Variants in TNC observed in about 807,000 individuals in gnomAD.
The protein encoded by TNC is tenascin C.
A neutral mutation model predicts 202.4 loss-of-function variants in TNC; 109 were observed. That is an observed-to-expected ratio of 0.54 (90% CI 0.46 to 0.63). The LOEUF (loss-of-function observed/expected upper bound fraction) is 0.63. Among genes scored for constraint, TNC ranks in the 30% least tolerant of loss-of-function variants. The pLI, the probability that TNC is intolerant of heterozygous loss-of-function variation, is 0.00. For missense variants in TNC, 2,756 were observed against 2,833.3 expected, an observed-to-expected ratio of 0.97 and a Z score of 0.62; for synonymous variants, 1,007 against 1,089.7, an observed-to-expected ratio of 0.92 and a Z score of 1.50.
In TNC at chr9:115,063,138, G is replaced by A; in HGVS notation, c.3812C>T (p.Ala1271Val). The A allele has an allele frequency of 6.2e-7, 1 of 1,614,198 alleles. No individual in the cohort carries two copies. The highest frequency in any genetic ancestry group is 8.5e-7 in the Non-Finnish European group (1 of 1,180,042). ...NLTVTEVSWD[A>V]LRLNWTTPDG... is the part of the protein sequence containing the mutation. ...TGGCGTGGTCCAGTTCAGTCTGAGAGCATCCCAGCTAACCTCGGTCACTGT... is the reference window on the plus strand; with the variant it reads ...TGGCGTGGTCCAGTTCAGTCTGAGAACATCCCAGCTAACCTCGGTCACTGT... Residue 1271 changes from alanine (A) to valine (V), a missense_variant, in exon 13 of 28, where the codon GCT (alanine) becomes GTT (valine). By Grantham distance (64) the Ala-to-Val change is moderately conservative. This residue lies in a region of TNC where 2,559 missense variants were observed against 2,546.0 expected (regional missense o/e 1.01). Transcript: ENST00000350763.
chr9:115,113,285 T>C (rs1837220306), intron 1 of TNC, among the ~76,000 whole-genome samples: 2 of 152,182 alleles, frequency 1.3e-5, no homozygotes, highest in African/African-American at 4.8e-5. Context: ...CTCTCAGGAC[T>C]GGGAACTGGG....
rs1302961606 is a variant in TNC at position 115,087,214 on chromosome 9, C to G, written c.517G>C (p.Gly173Arg). The G allele has an allele frequency of 6.2e-7, 1 of 1,614,246 alleles. No individual in the cohort carries two copies. The highest frequency in any genetic ancestry group is 1.1e-5 in the South Asian group (1 of 91,088). ...TTCCAGCCAGGTTCGCAGACACAGC[C>G]ACATCCTTCAGTGCTGAAGTTGCCC... ...GRGNFSTEGC[G>R]CVCEPGWKGP... Residue 173 changes from glycine to arginine, a missense_variant, in exon 3 of 28, where the codon GGC (glycine) becomes CGC (arginine). Gly to Arg is a moderately radical substitution (Grantham distance 125). Transcript: ENST00000350763.
rs138448689 is a variant in TNC, at chr9:115,077,257, T to C, written c.2675-682A>G. 7.4e-3 allele frequency among the ~76,000 whole-genome samples: 1,127 copies of C among 152,266 alleles called. 15 individuals carry two copies. Among genetic ancestry groups the C allele is most frequent in the South Asian group, 0.017 (81 of 4,828 alleles). ...ATTTTTAGTAGAGACGGGGTTTCAC[T>C]GTGTTAGCCAGAATGGTCTCAATCT... On this transcript the variant is annotated intron_variant, in intron 7 of 27. Transcript: ENST00000350763.
Position 115,062,963 on chromosome 9 carries a change from C to A in TNC, c.3987G>T (p.Glu1329Asp), listed in dbSNP as rs776430821. Residue 1329 changes from glutamate (E) to aspartate (D), a missense_variant, in exon 13 of 28, where the codon GAG becomes GAT. Glu to Asp is a conservative substitution (Grantham distance 45). Coordinates refer to ENST00000350763, the MANE Select transcript of TNC (RefSeq NM_002160.4). ...GGGGTCGAGTGCTGTGGCCCCTGAC[C>A]TCGCCGTGCAGGGTGACTGTGTAAG... ...GTPYTVTLHG[E>D]VRGHSTRPLA... 1.1e-5 allele frequency: 17 copies of A among 1,613,900 alleles called. No homozygotes were observed. In the African/African-American group the frequency reaches 2.1e-4, roughly 20 times the overall value.
At chr9:115,042,641 T>C (rs2132007500) in intron 17 of TNC, among the ~76,000 whole-genome samples, 1 of 152,364 alleles carries the variant, frequency 6.6e-6, no homozygotes, top group East Asian at 1.9e-4. Context: ...GATTGGAATG[T>C]GACCCCCGTT....
intron 10 of TNC, among the ~76,000 whole-genome samples, chr9:115,072,003 C>T (rs982244892): frequency 1.3e-5 from 2 of 152,208 alleles, no homozygotes; most frequent in African/African-American, 2.4e-5. Flanking sequence ...GAATTGACCA[C>T]GTAAACTCAT....
rs779919831 is a variant in TNC at position 115,059,783 on chromosome 9, T to C, written c.4253A>G (p.Tyr1418Cys). 4 of 1,613,916 alleles carry C rather than the reference T, an allele frequency of 2.5e-6. No homozygotes were observed. Among genetic ancestry groups the C allele is most frequent in the African/African-American group, 1.3e-5 (1 of 74,904 alleles). The change falls in exon 14 of 28, where the codon TAT (tyrosine) becomes TGT (cysteine). Residue 1418 changes from tyrosine to cysteine, a missense_variant. Tyr to Cys is a radical substitution (Grantham distance 194). Transcript: ENST00000350763. ...TGTTCTATAGCCCCGGATCACCCCA[T>C]AGATGGAGACTCTATAAGGCGTGGC... ...EAATPYRVSI[Y>C]GVIRGYRTPV...
intron 26 of TNC, among the ~76,000 whole-genome samples, chr9:115,025,456 A>G (rs1282373194): frequency 6.6e-6 from 1 of 152,154 alleles, no homozygotes; most frequent in East Asian, 1.9e-4. Context: ...GGGAGGCTGG[A>G]AACGTGCCAA....
At position 115,023,982 on chromosome 9, in the gene TNC, G is replaced by T; in HGVS notation, c.6486C>A (p.Asn2162Lys). The change falls in exon 27 of 28, where the codon AAC (asparagine) becomes AAA (lysine). Residue 2162 changes from asparagine to lysine, a missense_variant. Around this residue, in one of 2 missense-constraint regions of TNC, gnomAD observed 197 missense variants for 287.3 expected, o/e 0.69. Coordinates refer to ENST00000350763, the MANE Select transcript of TNC (RefSeq NM_002160.4). ...VNLMGRYGDN[N>K]HSQGVNWFHW... ...CTCACGGTCCACTCACCTGACTGTG[G>T]TTATTGTCCCCATATCTCCCCATCA... 1 of 1,613,716 alleles carries T rather than the reference G, an allele frequency of 6.2e-7. No homozygotes were observed. The highest frequency in any genetic ancestry group is 8.5e-7 in the Non-Finnish European group (1 of 1,179,692).
At position 115,086,480 on chromosome 9, in the gene TNC, G is replaced by T. The variant is rs1450622905; in HGVS notation, c.1251C>A (p.Arg417=). The change falls in exon 3 of 28, where the codon CGC becomes CGA. Residue 417 remains arginine (R), a synonymous_variant. Coordinates refer to ENST00000350763, the MANE Select transcript of TNC (RefSeq NM_002160.4). Reference sequence around the variant, plus strand: ...CACACACACACTGCCCATTGACACAGCGGCCATGGCCACTGCAGCCATTGG... The same window carrying T: ...CACACACACACTGCCCATTGACACATCGGCCATGGCCACTGCAGCCATTGG... ...KCPNGCSGHG[R]CVNGQCVCDE... The T allele has an allele frequency of 6.2e-7, 1 of 1,612,956 alleles. No individual in the cohort carries two copies. The highest frequency in any genetic ancestry group is 8.5e-7 in the Non-Finnish European group (1 of 1,179,816).
At chr9:115,030,490 A>C in intron 23 of TNC, 85 bp from the exon 24 acceptor site, 1 of 1,409,908 alleles carries the variant, frequency 7.1e-7, no homozygotes, top group Non-Finnish European at 9.5e-7. Context: ...TATGGACTAG[A>C]ATGCCTGGGG....
intron 1 of TNC, among the ~76,000 whole-genome samples, chr9:115,099,976 T>C (rs1447827740): frequency 6.6e-6 from 1 of 152,212 alleles, no homozygotes; most frequent in African/African-American, 2.4e-5. Context: ...ATCCTATCTC[T>C]TCTAACTCAG....
chr9:115,067,184 C>A (rs1452756674), intron 10 of TNC, among the ~76,000 whole-genome samples: 2 of 152,184 alleles, frequency 1.3e-5, no homozygotes, highest in African/African-American at 4.8e-5. Context: ...GTGATTATAC[C>A]CTTGACATTG....
In TNC at chr9:115,062,989, G is replaced by A; in HGVS notation, c.3961C>T (p.Pro1321Ser). 2 of 1,614,122 alleles carry A rather than the reference G, an allele frequency of 1.2e-6. No homozygotes were observed. Among genetic ancestry groups the A allele is most frequent in the East Asian group, 2.2e-5 (1 of 44,868 alleles). The change falls in exon 13 of 28, where the codon CCT becomes TCT. Residue 1321 changes from proline to serine, a missense_variant. Physicochemically the swap from Pro to Ser is moderately conservative, Grantham distance 74. Transcript: ENST00000350763. ...MEIPGLRAGT[P>S]YTVTLHGEVR... Reference sequence around the variant, plus strand: ...TCGCCGTGCAGGGTGACTGTGTAAGGAGTGCCAGCCCTGAGGCCTGGGATT... The same window carrying A: ...TCGCCGTGCAGGGTGACTGTGTAAGAAGTGCCAGCCCTGAGGCCTGGGATT...
At chr9:115,070,479 C>T (rs1279647010) in intron 10 of TNC, among the ~76,000 whole-genome samples, 1 of 152,192 alleles carries the variant, frequency 6.6e-6, no homozygotes, top group Non-Finnish European at 1.5e-5. Context: ...GCTGGCCGTG[C>T]CAGATTCTGT....
chr9:115,082,174 A>G (rs1834355404), intron 5 of TNC, among the ~76,000 whole-genome samples: 1 of 152,336 alleles, frequency 6.6e-6, no homozygotes, highest in Non-Finnish European at 1.5e-5. Flanking sequence ...ACAGAATGTG[A>G]GAGCCAAAGG....
chr9:115,040,533 C>A (rs1830650817), intron 19 of TNC, among the ~76,000 whole-genome samples: 1 of 152,128 alleles, frequency 6.6e-6, no homozygotes, highest in Admixed American at 6.5e-5. Flanking sequence ...TTCATGTGAT[C>A]CTTACCATAC....
At position 115,087,234 on chromosome 9, in the gene TNC, T is replaced by C; in HGVS notation, c.497A>G (p.Asn166Ser). Reference sequence around the variant, plus strand: ...ACAGCCACATCCTTCAGTGCTGAAGTTGCCCCGACCGCTACAGAAGGGCCT... The same window carrying C: ...ACAGCCACATCCTTCAGTGCTGAAGCTGCCCCGACCGCTACAGAAGGGCCT... ...DTRPFCSGRGNFSTEGCGCVC... is the reference protein window; with the variant it reads ...DTRPFCSGRGSFSTEGCGCVC... Residue 166 changes from asparagine (N) to serine (S), a missense_variant, in exon 3 of 28, where the codon AAC becomes AGC. Coordinates refer to ENST00000350763, the MANE Select transcript of TNC (RefSeq NM_002160.4). The C allele has an allele frequency of 6.2e-7, 1 of 1,614,092 alleles. No individual in the cohort carries two copies. The highest frequency in any genetic ancestry group is 8.5e-7 in the Non-Finnish European group (1 of 1,179,998).
In TNC at chr9:115,022,572, GT is replaced by G. The variant is rs113120666; in HGVS notation, c.6496-1306del. On this transcript the variant is annotated intron_variant, in intron 27 of 27. Transcript: ENST00000350763. ...TTGCTTTCTAACATGTAGCTTGTTG[GT>G]TTTTTTTTTCTTTTCCCAGAAGAAC... Among the ~76,000 whole-genome samples, 299 of 149,706 alleles carry G rather than the reference GT, an allele frequency of 2.0e-3. 3 individuals carry two copies. Among genetic ancestry groups the G allele is most frequent in the African/African-American group, 6.6e-3 (269 of 40,838 alleles).
Sources: gnomAD v4.1 joint callset for allele counts (sites outside exome capture counted in the v4.1 genomes callset) on GRCh38, gnomAD v4.1.1 for gene constraint, gnomAD v4.1.1 regional missense constraint, MANE v1.5 for transcripts, NCBI Gene and HGNC (gene_info 2026-07-23, HGNC 2026-07-21) for gene names.